Variants in RCOR1 observed in about 807,000 individuals in gnomAD.
The protein encoded by RCOR1 is REST corepressor.
A neutral mutation model predicts 64.0 loss-of-function variants in RCOR1; 12 were observed. That is an observed-to-expected ratio of 0.19 (90% CI 0.12 to 0.30). RCOR1 has a LOEUF of 0.30. Ranked by LOEUF, RCOR1 falls within the 10% of genes least tolerant of loss-of-function variation. The probability of loss-of-function intolerance (pLI) is 1.00; values close to 1 mark genes in which losing one functional copy is unlikely to be tolerated. For missense variants in RCOR1, 502 were observed against 621.2 expected (o/e 0.81, Z 2.04); for synonymous variants, 279 against 227.2 (o/e 1.23, Z -2.05).
intron 2 of RCOR1, among the ~76,000 whole-genome samples, chr14:102,631,369 A>ATT (rs34740338): frequency 2.8e-5 from 4 of 143,940 alleles, no homozygotes; most frequent in East Asian, 2.0e-4. Flanking sequence ...TGCCCAGCTA[A>ATT]TTTTTTTTTT....
intron 11 of RCOR1, among the ~76,000 whole-genome samples, chr14:102,723,515 A>T (rs1487443255): frequency 6.6e-6 from 1 of 152,242 alleles, no homozygotes; most frequent in African/African-American, 2.4e-5. Flanking sequence ...GAAAATCTTT[A>T]TAATAAGTGT....
chr14:102,631,855 C>T (rs559114806), intron 2 of RCOR1, among the ~76,000 whole-genome samples: 2 of 152,106 alleles, frequency 1.3e-5, no homozygotes, highest in South Asian at 4.1e-4. Context: ...GGTTGGAGTG[C>T]GGTGGCGCGA....
intron 2 of RCOR1, among the ~76,000 whole-genome samples, chr14:102,624,878 C>G (rs1893950059): frequency 6.6e-6 from 1 of 152,036 alleles, no homozygotes; most frequent in African/African-American, 2.4e-5. Context: ...CCTACACTTC[C>G]CTTTTGTTTT....
rs550422988 is a variant in RCOR1, at chr14:102,597,080, C to G, written c.361+3755C>G. ...TAGAGACGGGGTTTCACCATATTGG[C>G]CAGGCTGGTCTTGAACTCCTGACCT... is the stretch of plus-strand genomic sequence containing the variant. On this transcript the variant is annotated intron_variant, in intron 2 of 11. Coordinates refer to ENST00000262241, the MANE Select transcript of RCOR1 (RefSeq NM_015156.4). Among the ~76,000 whole-genome samples the G allele has an allele frequency of 4.5e-3, 680 of 151,808 alleles. 5 individuals carry two copies. Among genetic ancestry groups the G allele is most frequent in the Non-Finnish European group, 7.6e-3 (516 of 67,946 alleles).
intron 2 of RCOR1, among the ~76,000 whole-genome samples, chr14:102,630,985 A>G (rs1894099935): frequency 6.6e-6 from 1 of 152,060 alleles, no homozygotes; most frequent in African/African-American, 2.4e-5. Context: ...TGAGGTCTGC[A>G]GTAGGACCTG....
intron 2 of RCOR1, among the ~76,000 whole-genome samples, chr14:102,634,157 A>T (rs1235158315): frequency 1.3e-5 from 2 of 152,108 alleles, no homozygotes; most frequent in Non-Finnish European, 2.9e-5. Context: ...GGGTGGTGTC[A>T]ATGAAAATTC....
At chr14:102,705,142 AG>A (rs1021480701) in intron 4 of RCOR1, among the ~76,000 whole-genome samples, 2 of 151,690 alleles carry the variant, frequency 1.3e-5, no homozygotes, top group Non-Finnish European at 2.9e-5. Flanking sequence ...AAAAAAAAAG[AG>A]GGGGGAAAGA....
intron 2 of RCOR1, among the ~76,000 whole-genome samples, chr14:102,679,766 C>T (rs545819459): frequency 2.6e-5 from 4 of 152,248 alleles, no homozygotes; most frequent in Admixed American, 1.3e-4. Context: ...GCGTGAGCCA[C>T]TGCACCTGGC....
chr14:102,699,888 C>T (rs1419512536), intron 3 of RCOR1, among the ~76,000 whole-genome samples: 1 of 151,822 alleles, frequency 6.6e-6, no homozygotes, highest in African/African-American at 2.4e-5. Context: ...ACTAGAATAT[C>T]CTCAGGGAGG....
chr14:102,703,435 A>G (rs1387917356), intron 4 of RCOR1, among the ~76,000 whole-genome samples: 1 of 152,262 alleles, frequency 6.6e-6, no homozygotes, highest in African/African-American at 2.4e-5. Flanking sequence ...TTGAAAAGAC[A>G]GAGAATCTTG....
chr14:102,689,392 TTGTTTATAG>T (rs1173961710), intron 3 of RCOR1, among the ~76,000 whole-genome samples: 1 of 152,072 alleles, frequency 6.6e-6, no homozygotes, highest in Non-Finnish European at 1.5e-5. Flanking sequence ...GCCTTGTCTG[TTGTTTATAG>T]TCTGCTTTTT....
At chr14:102,593,223 C>G (rs1176486144) in intron 1 of RCOR1, 36 bp downstream of exon 1, 1 of 1,478,654 alleles carries the variant, frequency 6.8e-7, no homozygotes, top group East Asian at 2.9e-5. Context: ...CCGGGCCCCG[C>G]GCCCCGCGCC....
At chr14:102,668,669 T>C (rs192760193) in intron 2 of RCOR1, among the ~76,000 whole-genome samples, 1 of 152,292 alleles carries the variant, frequency 6.6e-6, no homozygotes, top group Non-Finnish European at 1.5e-5. Flanking sequence ...GGAGTATACA[T>C]ACCCCTCGTT....
chr14:102,633,620 A>C (rs1448012780), intron 2 of RCOR1, among the ~76,000 whole-genome samples: 1 of 152,150 alleles, frequency 6.6e-6, no homozygotes, highest in Non-Finnish European at 1.5e-5. Context: ...GCTTACAGCA[A>C]CTTCTGCCTC....
chr14:102,657,257 A>G (rs1039556433), intron 2 of RCOR1: 3 of 985,108 alleles, frequency 3.0e-6, no homozygotes, highest in Admixed American at 6.2e-5. Context: ...TAGATTTAGG[A>G]TTTCCCACCT....
At chr14:102,680,190 G>T (rs1345926026) in intron 2 of RCOR1, among the ~76,000 whole-genome samples, 1 of 151,188 alleles carries the variant, frequency 6.6e-6, no homozygotes, top group Non-Finnish European at 1.5e-5. Flanking sequence ...TTTATTGCTG[G>T]TATATAGAAA....
At chr14:102,603,512 A>G (rs927292994) in intron 2 of RCOR1, among the ~76,000 whole-genome samples, 10 of 151,878 alleles carry the variant, frequency 6.6e-5, no homozygotes, top group Non-Finnish European at 1.3e-4. Flanking sequence ...TTTTGTAGAG[A>G]TGGGGTTTCA....
intron 2 of RCOR1, among the ~76,000 whole-genome samples, chr14:102,647,867 C>A (rs1290488773): frequency 6.6e-6 from 1 of 151,532 alleles, no homozygotes; most frequent in African/African-American, 2.4e-5. Context: ...TTAGTAGAGA[C>A]GGAGTTTTGC....
At chr14:102,623,290 C>T (rs568827273) in intron 2 of RCOR1, among the ~76,000 whole-genome samples, 2 of 151,890 alleles carry the variant, frequency 1.3e-5, no homozygotes, top group African/African-American at 4.8e-5. Flanking sequence ...TGTTATTCTT[C>T]CCTCTTCCTT....
Sources: gnomAD v4.1 joint callset for allele counts (sites outside exome capture counted in the v4.1 genomes callset) on GRCh38, gnomAD v4.1.1 for gene constraint, MANE v1.5 for transcripts, NCBI Gene and HGNC (gene_info 2026-07-23, HGNC 2026-07-21) for gene names.